CRY1: variants seen among roughly 807,000 people sequenced by gnomAD.
CRY1 encodes the protein cryptochrome-1.
In CRY1, 45 loss-of-function variants were observed where a neutral mutation model predicts 76.0. That is an observed-to-expected ratio of 0.59 (90% CI 0.47 to 0.76). CRY1 has a LOEUF of 0.76. Ranked by LOEUF, CRY1 falls within the 30% of genes least tolerant of loss-of-function variation. CRY1 has a pLI of 0.00. For missense variants in CRY1, 587 were observed against 716.4 expected (o/e 0.82, Z 2.06); for synonymous variants, 248 against 244.0 (o/e 1.02, Z -0.15).
At chr12:107,091,718 C>T (rs1953474088) in intron 1 of CRY1, among the ~76,000 whole-genome samples, 2 of 152,166 alleles carry the variant, frequency 1.3e-5, no homozygotes, top group Non-Finnish European at 2.9e-5. Context: ...ATTTTTCCCT[C>T]ACTTATTCTG....
At chr12:107,048,810 T>C (rs1952880033) in intron 1 of CRY1, among the ~76,000 whole-genome samples, 1 of 152,232 alleles carries the variant, frequency 6.6e-6, no homozygotes, top group Non-Finnish European at 1.5e-5. Context: ...TATTCAATTT[T>C]TGAAAATATT....
intron 3 of CRY1, among the ~76,000 whole-genome samples, chr12:107,003,807 ATTTTTT>A (rs200134178): frequency 7.2e-6 from 1 of 139,004 alleles, no homozygotes; most frequent in African/African-American, 2.7e-5. Context: ...TAAACACTTG[ATTTTTT>A]TTTTTTTTTT....
intron 10 of CRY1, 47 bp downstream of exon 10, chr12:106,997,247 A>T: frequency 6.9e-7 from 1 of 1,449,948 alleles, no homozygotes; most frequent in Non-Finnish European, 9.6e-7. Flanking sequence ...ATATTTGTTT[A>T]ATAACCTCTT....
intron 1 of CRY1, among the ~76,000 whole-genome samples, chr12:107,037,602 AGAGACTTAAGTTTTTACTCTGAGT>A (rs1316651659): frequency 6.6e-6 from 1 of 152,180 alleles, no homozygotes; most frequent in Non-Finnish European, 1.5e-5. Flanking sequence ...AAATCATGGT[AGAGACTTAAGTTTTTACTCTGAGT>A]GAGTTGGGAA....
intron 1 of CRY1, among the ~76,000 whole-genome samples, chr12:107,084,306 T>A (rs575440548): frequency 1.3e-5 from 2 of 152,338 alleles, no homozygotes; most frequent in South Asian, 4.1e-4. Context: ...CCATTGACTT[T>A]CTTCACAGAA....
chr12:107,062,136 T>A (rs1259349356), intron 1 of CRY1, among the ~76,000 whole-genome samples: 1 of 151,842 alleles, frequency 6.6e-6, no homozygotes, highest in East Asian at 1.9e-4. Flanking sequence ...TTCCGGAAAC[T>A]AAAAAGTCAC....
At chr12:107,073,859 A>C (rs1205744113) in intron 1 of CRY1, among the ~76,000 whole-genome samples, 1 of 152,222 alleles carries the variant, frequency 6.6e-6, no homozygotes, top group African/African-American at 2.4e-5. Flanking sequence ...ATACACACCT[A>C]GTCCCAACTT....
At chr12:107,013,290 C>T (rs1257152646) in intron 2 of CRY1, among the ~76,000 whole-genome samples, 2 of 152,200 alleles carry the variant, frequency 1.3e-5, no homozygotes, top group African/African-American at 4.8e-5. Flanking sequence ...CAGTAGCCAT[C>T]AGCATTGAGG....
chr12:107,080,023 G>C (rs535212636), intron 1 of CRY1, among the ~76,000 whole-genome samples: 28 of 152,222 alleles, frequency 1.8e-4, no homozygotes, highest in African/African-American at 6.5e-4. Flanking sequence ...ATGGGCTAAA[G>C]AGACAATGGA....
intron 10 of CRY1, among the ~76,000 whole-genome samples, chr12:106,995,634 CT>C (rs1202588208): frequency 1.3e-5 from 2 of 151,952 alleles, no homozygotes; most frequent in African/African-American, 2.4e-5. Context: ...GTATAGATTT[CT>C]TTTTTCTTTT....
At chr12:107,070,312 C>T (rs1321184635) in intron 1 of CRY1, among the ~76,000 whole-genome samples, 1 of 152,024 alleles carries the variant, frequency 6.6e-6, no homozygotes, top group Non-Finnish European at 1.5e-5. Context: ...TTAGCAGTAT[C>T]AACATGAGTA....
intron 1 of CRY1, among the ~76,000 whole-genome samples, chr12:107,068,597 C>T (rs960017787): frequency 4.6e-5 from 7 of 151,838 alleles, no homozygotes; most frequent in African/African-American, 1.7e-4. Context: ...CGCACTCAGC[C>T]CAAAATTAAT....
chr12:107,007,827 G>C (rs1952392841), intron 2 of CRY1, among the ~76,000 whole-genome samples: 1 of 152,136 alleles, frequency 6.6e-6, no homozygotes, highest in Non-Finnish European at 1.5e-5. Flanking sequence ...AATGTGCCTA[G>C]TGCAATTTAG....
chr12:107,002,386 G>A (rs1202024610), intron 3 of CRY1, among the ~76,000 whole-genome samples: 2 of 152,042 alleles, frequency 1.3e-5, no homozygotes, highest in Non-Finnish European at 1.5e-5. Context: ...GTAATCAGCA[G>A]GTCTCATTTA....
intron 6 of CRY1, 32 bp from the exon 7 acceptor site, chr12:106,999,894 A>G: frequency 6.3e-7 from 1 of 1,589,612 alleles, no homozygotes; most frequent in Non-Finnish European, 8.5e-7. Context: ...GTATTATCAG[A>G]ATTTTTTTTT....
In CRY1 at chr12:107,024,489, ACCTAAG is replaced by A. The variant is rs574636082; in HGVS notation, c.159-2303_159-2298del. Among the ~76,000 whole-genome samples, 40 of 151,070 alleles carry A rather than the reference ACCTAAG, an allele frequency of 2.6e-4. 1 individual carries two copies. The South Asian group carries it at 8.4e-3, about 32-fold the overall frequency. ...GTTCACTGCAGCCTTGACTTCTCCC[ACCTAAG>A]CCTCTAGAGTGACTGGGACCACAGG... On this transcript the variant is annotated intron_variant, in intron 1 of 12. Transcript: ENST00000008527.
intron 1 of CRY1, among the ~76,000 whole-genome samples, chr12:107,063,725 G>A (rs1953076806): frequency 6.6e-6 from 1 of 152,172 alleles, no homozygotes; most frequent in African/African-American, 2.4e-5. Flanking sequence ...AGCCTCCAGA[G>A]TAGCTGGGAT....
At chr12:107,014,594 CTAT>C (rs1434860628) in intron 2 of CRY1, among the ~76,000 whole-genome samples, 9 of 139,540 alleles carry the variant, frequency 6.4e-5, no homozygotes, top group African/African-American at 2.0e-4. Flanking sequence ...TTTCTACTAA[CTAT>C]TAGTTTAATG....
chr12:107,022,833 C>A, intron 1 of CRY1, among the ~76,000 whole-genome samples: 1 of 146,964 alleles, frequency 6.8e-6, no homozygotes. Context: ...TAGAAAATGC[C>A]AGATTAACTT....
Sources: allele counts gnomAD v4.1 joint callset (sites outside exome capture counted in the v4.1 genomes callset), GRCh38; gene constraint gnomAD v4.1.1; transcripts MANE v1.5; gene names NCBI Gene and HGNC (gene_info 2026-07-23, HGNC 2026-07-21).